Variants in ZFR2 observed in about 807,000 individuals in gnomAD.
The protein encoded by ZFR2 is zinc finger RNA-binding protein 2.
A neutral mutation model predicts 105.7 loss-of-function variants in ZFR2; 104 were observed. The observed-to-expected ratio is 0.98, with a 90% CI of 0.84 to 1.16. ZFR2 has a LOEUF of 1.16. Ranked by LOEUF, ZFR2 falls within the 50% of genes most tolerant of loss-of-function variation. The pLI, the probability that ZFR2 is intolerant of heterozygous loss-of-function variation, is 0.00. For missense variants in ZFR2, 1,425 were observed against 1,355.5 expected (o/e 1.05, Z -0.80); for synonymous variants, 634 against 597.7 (o/e 1.06, Z -0.89).
intron 5 of ZFR2, among the ~76,000 whole-genome samples, chr19:3,830,909 G>A (rs759038446): frequency 7.3e-5 from 11 of 151,032 alleles, no homozygotes; most frequent in Non-Finnish European, 1.5e-4. Flanking sequence ...ACACACACAC[G>A]GGCGCATGCA....
chr19:3,851,179 A>G (rs1395231375), intron 1 of ZFR2, among the ~76,000 whole-genome samples: 2 of 152,164 alleles, frequency 1.3e-5, no homozygotes, highest in Non-Finnish European at 2.9e-5. Context: ...GGGAAGGCCC[A>G]TTAAGGACAC....
Position 3,853,724 on chromosome 19 carries a change from G to A in ZFR2, c.53+15241C>T, listed in dbSNP as rs376157707. Among the ~76,000 whole-genome samples, 387 of 152,244 alleles carry A rather than the reference G, an allele frequency of 2.5e-3. 2 individuals carry two copies. Among genetic ancestry groups the A allele is most frequent in the African/African-American group, 9.0e-3 (374 of 41,558 alleles). Reference sequence around the variant, plus strand: ...TGGAGATGGAGTTTCCTTTTGGGCCGATAGGAATGTTCTGGAATTTGAGGT... The same window carrying A: ...TGGAGATGGAGTTTCCTTTTGGGCCAATAGGAATGTTCTGGAATTTGAGGT... On this transcript the variant is annotated intron_variant, in intron 1 of 18. Transcript: ENST00000262961.
intron 3 of ZFR2, 137 bp downstream of exon 3, chr19:3,833,527 G>T: frequency 1.5e-6 from 1 of 649,890 alleles, no homozygotes. Flanking sequence ...AGTGAGCCGA[G>T]ATCGCACCAC....
intron 1 of ZFR2, among the ~76,000 whole-genome samples, chr19:3,854,702 T>C (rs1331862355): frequency 6.6e-6 from 1 of 152,204 alleles, no homozygotes; most frequent in African/African-American, 2.4e-5. Flanking sequence ...GTAGCCCTTT[T>C]ACATTCTTGC....
chr19:3,862,558 C>T (rs1430496399), intron 1 of ZFR2, among the ~76,000 whole-genome samples: 6 of 152,120 alleles, frequency 3.9e-5, no homozygotes, highest in Non-Finnish European at 8.8e-5. Flanking sequence ...TCAGCCTCCC[C>T]AAATGCTGGG....
At chr19:3,828,387 T>C (rs2037975807) in intron 5 of ZFR2, among the ~76,000 whole-genome samples, 1 of 152,190 alleles carries the variant, frequency 6.6e-6, no homozygotes, top group Non-Finnish European at 1.5e-5. Flanking sequence ...TCTTCCTTCT[T>C]CTGGAATTCA....
intron 1 of ZFR2, among the ~76,000 whole-genome samples, chr19:3,863,774 C>G (rs2038399445): frequency 6.6e-6 from 1 of 152,208 alleles, no homozygotes; most frequent in East Asian, 1.9e-4. Context: ...TCTCTAGGCT[C>G]CAGCAGCCCT....
intron 3 of ZFR2, 112 bp from the exon 4 acceptor site, chr19:3,831,990 A>G (rs1444516103): frequency 1.1e-6 from 1 of 915,834 alleles, no homozygotes; most frequent in African/African-American, 1.7e-5. Context: ...TTAAGCCAGG[A>G]CCAGAGGCCA....
At chr19:3,843,926 G>A (rs181239115) in intron 1 of ZFR2, among the ~76,000 whole-genome samples, 5 of 148,666 alleles carry the variant, frequency 3.4e-5, no homozygotes, top group African/African-American at 1.2e-4. Flanking sequence ...AGTGAGAGAA[G>A]CCAGGCACAG....
chr19:3,805,830 G>A lies in ZFR2; in HGVS notation c.*119C>T, dbSNP rs541067895. The A allele has an allele frequency of 8.5e-4, 1,018 of 1,195,276 alleles. No homozygotes were observed. The highest frequency in any genetic ancestry group is 1.1e-3 in the Non-Finnish European group (966 of 893,170). 74.0% of individuals were successfully genotyped at this position (1,195,276 alleles called of 1,614,324 possible). ...AGGTGTTTTAAAGGAAACCTACAGA[G>A]CGTTACTCAAAAGGAAATGACCATT... On this transcript the variant is annotated 3_prime_UTR_variant, in exon 19 of 19. Coordinates refer to ENST00000262961, the MANE Select transcript of ZFR2 (RefSeq NM_015174.2).
In ZFR2 at chr19:3,811,953, G is replaced by C. The variant is rs533173682; in HGVS notation, c.2243-587C>G. Among the ~76,000 whole-genome samples the C allele has an allele frequency of 2.6e-5, 4 of 151,982 alleles. No homozygotes were observed. In the East Asian group the frequency reaches 7.8e-4, roughly 29 times the overall value. ...TATTTATTTATTTATTTATTTGTTT[G>C]TTTGTGTTGAGATGGAGTCTCACTC... On this transcript the variant is annotated intron_variant, in intron 14 of 18. Transcript: ENST00000262961.
intron 1 of ZFR2, among the ~76,000 whole-genome samples, chr19:3,866,561 G>GCAAT (rs1406991409): frequency 6.6e-6 from 1 of 152,168 alleles, no homozygotes; most frequent in African/African-American, 2.4e-5. Context: ...CTGAAGCTTA[G>GCAAT]CAATCACCTA....
At chr19:3,867,308 G>GGT (rs2038443965) in intron 1 of ZFR2, among the ~76,000 whole-genome samples, 1 of 151,488 alleles carries the variant, frequency 6.6e-6, no homozygotes, top group Non-Finnish European at 1.5e-5. Context: ...AACTGTTGGG[G>GGT]GGGGAATCTG....
chr19:3,847,510 C>T (rs2038195389), intron 1 of ZFR2, among the ~76,000 whole-genome samples: 1 of 151,470 alleles, frequency 6.6e-6, no homozygotes, highest in South Asian at 2.1e-4. Context: ...GGCAACAGAG[C>T]GAGACTCCTT....
chr19:3,833,717 T>C lies in ZFR2; in HGVS notation c.326A>G (p.Gln109Arg). 6.3e-7 allele frequency: 1 copy of C among 1,581,134 alleles called. No individual in the cohort carries two copies. The highest frequency in any genetic ancestry group is 2.3e-5 in the East Asian group (1 of 43,272). Reference sequence around the variant, plus strand: ...GCGCCCAGACTGGAGGGCAGCAGACTGGAAGTACGGCCTGTCCTCATAGCT... The same window carrying C: ...GCGCCCAGACTGGAGGGCAGCAGACCGGAAGTACGGCCTGTCCTCATAGCT... ...ARSYEDRPYF[Q>R]SAALQSGRMT... The change falls in exon 3 of 19, where the codon CAG becomes CGG. Residue 109 changes from glutamine (Q) to arginine (R), a missense_variant. Physicochemically the swap from Gln to Arg is conservative, Grantham distance 43. Transcript: ENST00000262961.
intron 9 of ZFR2, 125 bp from the exon 10 acceptor site, chr19:3,821,604 CTTTTTT>C (rs56275505): frequency 0.038 from 9,354 of 247,554 alleles, 8 homozygotes; most frequent in East Asian, 0.051. Flanking sequence ...CTCCCAAAGC[CTTTTTT>C]TTTTTTTTTT....
At chr19:3,837,974 A>T (rs2038094986) in intron 1 of ZFR2, among the ~76,000 whole-genome samples, 1 of 151,742 alleles carries the variant, frequency 6.6e-6, no homozygotes, top group Non-Finnish European at 1.5e-5. Context: ...CAATCAATGG[A>T]CACCATGACT....
intron 1 of ZFR2, among the ~76,000 whole-genome samples, chr19:3,845,307 A>G (rs531021689): frequency 1.0e-3 from 157 of 151,376 alleles, no homozygotes; most frequent in African/African-American, 3.7e-3. Context: ...TGTCTCTACA[A>G]AATTTTTTTT....
In ZFR2 at chr19:3,816,683, C is replaced by G; in HGVS notation, c.2094G>C (p.Arg698=). The G allele has an allele frequency of 6.2e-7, 1 of 1,608,422 alleles. No individual in the cohort carries two copies. Among genetic ancestry groups the G allele is most frequent in the Non-Finnish European group, 8.5e-7 (1 of 1,176,960 alleles). The change falls in exon 13 of 19, where the codon CGG becomes CGC. Residue 698 remains arginine (R), a synonymous_variant. Coordinates refer to ENST00000262961, the MANE Select transcript of ZFR2 (RefSeq NM_015174.2). ...AGGGCCCTGACCTTACCTGGAGCTG[C>G]CGGGGCAGCTGCTGGGCGATCCTCC... ...LLRRIAQQLP[R]QLQMVTEDEY...
Sources: gnomAD v4.1 joint callset for allele counts (sites outside exome capture counted in the v4.1 genomes callset) on GRCh38, gnomAD v4.1.1 for gene constraint, MANE v1.5 for transcripts, NCBI Gene and HGNC (gene_info 2026-07-23, HGNC 2026-07-21) for gene names.